Variants in SDK2 observed in about 807,000 individuals in gnomAD.
SDK2 encodes sidekick cell adhesion molecule 2.
Under a neutral mutation model 253.9 loss-of-function variants are expected in SDK2, and 105 were observed. The ratio of observed to expected loss-of-function variants is 0.41; its 90% confidence interval spans 0.35 to 0.49. The LOEUF (loss-of-function observed/expected upper bound fraction) is 0.49. SDK2 is among the 20% of genes least tolerant of loss of function. The pLI is 0.06. For missense variants in SDK2, 2,608 were observed against 3,003.0 expected (o/e 0.87, Z 3.07); for synonymous variants, 1,249 against 1,234.9 (o/e 1.01, Z -0.24).
chr17:73,399,517 C>T, intron 21 of SDK2, among the ~76,000 whole-genome samples: 1 of 152,154 alleles, frequency 6.6e-6, no homozygotes, highest in East Asian at 1.9e-4. Flanking sequence ...AGGGGATCTC[C>T]TAGGGCTGAG....
At chr17:73,381,185 C>T (rs2062828079) in intron 33 of SDK2, among the ~76,000 whole-genome samples, 1 of 152,206 alleles carries the variant, frequency 6.6e-6, no homozygotes, top group African/African-American at 2.4e-5. Context: ...CTGGTGTGCA[C>T]TGGCCCAAGG....
chr17:73,490,208 T>C (rs956559723), intron 2 of SDK2, among the ~76,000 whole-genome samples: 2 of 152,142 alleles, frequency 1.3e-5, no homozygotes, highest in African/African-American at 4.8e-5. Context: ...GTTTTTGGAG[T>C]GCCCCTGGTA....
chr17:73,528,399 C>A (rs147944930), intron 1 of SDK2, among the ~76,000 whole-genome samples: 1 of 152,198 alleles, frequency 6.6e-6, no homozygotes, highest in Non-Finnish European at 1.5e-5. Flanking sequence ...TTGTCCCAGG[C>A]GATGCACCAA....
intron 1 of SDK2, among the ~76,000 whole-genome samples, chr17:73,537,380 C>G (rs890294401): frequency 3.3e-5 from 5 of 152,148 alleles, no homozygotes; most frequent in African/African-American, 7.2e-5. Context: ...CTCACCTCCC[C>G]CTTCTGCCCC....
chr17:73,528,160 G>T (rs1483319569), intron 1 of SDK2, among the ~76,000 whole-genome samples: 1 of 152,166 alleles, frequency 6.6e-6, no homozygotes, highest in Non-Finnish European at 1.5e-5. Context: ...CAGAGGAGGG[G>T]TGTGGAGCCA....
intron 1 of SDK2, among the ~76,000 whole-genome samples, chr17:73,627,191 G>A (rs1200287878): frequency 1.3e-5 from 2 of 152,064 alleles, no homozygotes; most frequent in Non-Finnish European, 2.9e-5. Flanking sequence ...ACTGGGAAGG[G>A]GATAGGCTTT....
intron 1 of SDK2, among the ~76,000 whole-genome samples, chr17:73,599,010 A>G (rs2045799750): frequency 6.6e-6 from 1 of 152,368 alleles, no homozygotes; most frequent in East Asian, 1.9e-4. Context: ...AAGAAAACGG[A>G]CTTTTCCGGG....
At position 73,486,440 on chromosome 17, in the gene SDK2, C is replaced by T. The variant is rs534884533; in HGVS notation, c.225-14222G>A. ...CCTGGGCAACATAGCAAGAATCTAT[C>T]TCTACCAAAAAATAAAACAATTAGC... On this transcript the variant is annotated intron_variant, in intron 2 of 44. Coordinates refer to ENST00000392650, the MANE Select transcript of SDK2 (RefSeq NM_001144952.2). Among the ~76,000 whole-genome samples, 23 of 152,016 alleles carry T rather than the reference C, an allele frequency of 1.5e-4. No individual in the cohort carries two copies. In the South Asian group the frequency reaches 4.8e-3, roughly 32 times the overall value.
intron 1 of SDK2, among the ~76,000 whole-genome samples, chr17:73,514,249 A>G (rs1343371958): frequency 1.3e-5 from 2 of 152,142 alleles, no homozygotes; most frequent in East Asian, 3.9e-4. Context: ...AGCGGCCTTC[A>G]GAGGCCAGCA....
intron 44 of SDK2, among the ~76,000 whole-genome samples, chr17:73,346,899 T>C (rs1384935011): frequency 3.9e-5 from 6 of 152,192 alleles, no homozygotes; most frequent in African/African-American, 1.4e-4. Flanking sequence ...CTCAGGGACG[T>C]ACCCTTGCAC....
In SDK2 at chr17:73,383,897, C is replaced by T. The variant is rs2062851548; in HGVS notation, c.4684G>A (p.Ala1562Thr). Residue 1562 changes from alanine to threonine, a missense_variant, in exon 33 of 45, where the codon GCC (alanine) becomes ACC (threonine). By Grantham distance (58) the Ala-to-Thr change is moderately conservative. Coordinates refer to ENST00000392650, the MANE Select transcript of SDK2 (RefSeq NM_001144952.2). This position sits in a 1 kb window ranked among gnomAD's most constrained non-coding sequence, Gnocchi z 4.3. Reference sequence around the variant, plus strand: ...TCACAGGTAAGCTCAGCCCATGTGGCCCCTGGGTTGTTGATGCCTCGAAGC... The same window carrying T: ...TCACAGGTAAGCTCAGCCCATGTGGTCCCTGGGTTGTTGATGCCTCGAAGC... ...FTLRGINNPGATWAELTSMYS... is the reference protein window; with the variant it reads ...FTLRGINNPGTTWAELTSMYS... 1.2e-6 allele frequency: 2 copies of T among 1,613,832 alleles called. No homozygotes were observed. Among genetic ancestry groups the T allele is most frequent in the Non-Finnish European group, 1.7e-6 (2 of 1,179,896 alleles).
At position 73,534,001 on chromosome 17, in the gene SDK2, A is replaced by C. The variant is rs2064193391; in HGVS notation, c.65-26404T>G. ...AGCACAGTGATGCGGCAACATCTGC[A>C]CCTCCGCTTGCAGCCAAGACGCCAT... On this transcript the variant is annotated intron_variant, in intron 1 of 44. Transcript: ENST00000392650. The surrounding 1 kb of genome is among the most constrained non-coding windows in gnomAD (Gnocchi z 4.9). Among the ~76,000 whole-genome samples, 1 of 151,946 alleles carries C rather than the reference A, an allele frequency of 6.6e-6. No homozygotes were observed. Among genetic ancestry groups the C allele is most frequent in the Non-Finnish European group, 1.5e-5 (1 of 67,968 alleles).
At chr17:73,473,685 C>A (rs2063667540) in intron 2 of SDK2, among the ~76,000 whole-genome samples, 1 of 152,216 alleles carries the variant, frequency 6.6e-6, no homozygotes, top group South Asian at 2.1e-4. Flanking sequence ...GCATCAGACA[C>A]TGTATTAAGT....
intron 44 of SDK2, among the ~76,000 whole-genome samples, chr17:73,347,565 T>G (rs765339028): frequency 9.9e-5 from 15 of 152,164 alleles, no homozygotes; most frequent in Non-Finnish European, 2.1e-4. Context: ...CACAGCGTGA[T>G]CCCAGGCTTC....
At chr17:73,475,973 G>A (rs1221131086) in intron 2 of SDK2, among the ~76,000 whole-genome samples, 3 of 152,230 alleles carry the variant, frequency 2.0e-5, no homozygotes, top group Non-Finnish European at 4.4e-5. Context: ...TTAGCCAGGT[G>A]TGGTGGCACA....
intron 44 of SDK2, among the ~76,000 whole-genome samples, 191 bp downstream of exon 44, chr17:73,348,408 C>T (rs1398512957): frequency 6.6e-6 from 1 of 152,244 alleles, no homozygotes; most frequent in Admixed American, 6.5e-5. Flanking sequence ...CCCATTGGCA[C>T]TGGCCGCAAA....
At chr17:73,436,347 C>T (rs571115178) in intron 8 of SDK2, among the ~76,000 whole-genome samples, 4 of 152,136 alleles carry the variant, frequency 2.6e-5, no homozygotes, top group Middle Eastern at 6.8e-3. Flanking sequence ...GAGGCTGAGG[C>T]GGGTGGATCA....
At chr17:73,365,166 C>G in intron 38 of SDK2, 92 bp downstream of exon 38, 1 of 932,984 alleles carries the variant, frequency 1.1e-6, no homozygotes, top group South Asian at 2.3e-5. Context: ...CACCGAATCT[C>G]ACTCATGTGT....
chr17:73,362,283 C>T (rs2062648102), intron 38 of SDK2, among the ~76,000 whole-genome samples: 1 of 152,154 alleles, frequency 6.6e-6, no homozygotes, highest in African/African-American at 2.4e-5. Context: ...CATAAAAATA[C>T]CAAAAGCCCA....
Sources: allele counts gnomAD v4.1 joint callset (sites outside exome capture counted in the v4.1 genomes callset), GRCh38; gene constraint gnomAD v4.1.1; non-coding constraint Gnocchi (gnomAD v3.1); transcripts MANE v1.5; gene names NCBI Gene and HGNC (gene_info 2026-07-23, HGNC 2026-07-21).